Variants in KCNT1 observed in about 807,000 individuals in gnomAD.
KCNT1 encodes potassium sodium-activated channel subfamily T member 1, also known as potassium channel subfamily T member 1.
A neutral mutation model predicts 147.8 loss-of-function variants in KCNT1; 78 were observed. The observed-to-expected ratio is 0.53, with a 90% CI of 0.44 to 0.64. The LOEUF (loss-of-function observed/expected upper bound fraction) is 0.64. KCNT1 is among the 30% of genes least tolerant of loss of function. The probability of loss-of-function intolerance (pLI) is 0.00; values close to 1 mark genes in which losing one functional copy is unlikely to be tolerated. For missense variants in KCNT1, 1,419 were observed against 1,750.3 expected (o/e 0.81, Z 3.38); for synonymous variants, 867 against 748.8 (o/e 1.16, Z -2.58).
intron 2 of KCNT1, among the ~76,000 whole-genome samples, chr9:135,732,726 T>TAA (rs1830152142): frequency 6.6e-6 from 1 of 151,668 alleles, no homozygotes; most frequent in Non-Finnish European, 1.5e-5. Context: ...TTGGCCGGGT[T>TAA]CTTTGTCTGC....
At chr9:135,750,036 G>A in intron 2 of KCNT1, 62 bp from the exon 3 acceptor site, 1 of 1,368,112 alleles carries the variant, frequency 7.3e-7, no homozygotes, top group Non-Finnish European at 1.0e-6. Flanking sequence ...GGGGCTCCCG[G>A]CGTGTCCCCA....
chr9:135,734,769 C>T (rs903213378), intron 2 of KCNT1, among the ~76,000 whole-genome samples: 5 of 152,110 alleles, frequency 3.3e-5, no homozygotes, highest in South Asian at 2.1e-4. Flanking sequence ...GCTGTGGGTT[C>T]GTTCCCAGGG....
chr9:135,728,174 G>A (rs1836293472), intron 2 of KCNT1, among the ~76,000 whole-genome samples: 1 of 152,204 alleles, frequency 6.6e-6, no homozygotes, highest in African/African-American at 2.4e-5. Flanking sequence ...GAGGCAGGAA[G>A]GACCCTCCCT....
chr9:135,741,523 A>G (rs1300121672), intron 2 of KCNT1, among the ~76,000 whole-genome samples: 2 of 152,216 alleles, frequency 1.3e-5, no homozygotes, highest in Non-Finnish European at 2.9e-5. Flanking sequence ...CAGCAAACCC[A>G]AAGATCAGCC....
chr9:135,755,257 A>C (rs1272316603), intron 6 of KCNT1, 88 bp downstream of exon 6: 4 of 1,151,058 alleles, frequency 3.5e-6, no homozygotes, highest in African/African-American at 1.6e-5. Context: ...TAGGGAACCC[A>C]GGCTCGGTGA....
In KCNT1 at chr9:135,786,425, C is replaced by A; in HGVS notation, c.3406C>A (p.Gln1136Lys). 6.3e-7 allele frequency: 1 copy of A among 1,589,758 alleles called. No homozygotes were observed. The highest frequency in any genetic ancestry group is 2.3e-5 in the East Asian group (1 of 43,570). The change falls in exon 29 of 31, where the codon CAG (glutamine) becomes AAG (lysine). Residue 1136 changes from glutamine to lysine, a missense_variant. Gln to Lys is a moderately conservative substitution (Grantham distance 53). This residue lies in a region of KCNT1 where 306 missense variants were observed against 294.2 expected (regional missense o/e 1.04). Transcript: ENST00000371757. ...GGCGGCCGCGGAGTGGATCAGCCAG[C>A]AGCGCCTCAGCCTGTACCGGCGCTC... ...RAAAAEWISQ[Q>K]RLSLYRRSER...
intron 28 of KCNT1, chr9:135,785,830 G>C: frequency 2.3e-6 from 1 of 428,784 alleles, no homozygotes; most frequent in Non-Finnish European, 4.2e-6. Flanking sequence ...CAGAGGGGGT[G>C]ACCTCTCAGG....
intron 2 of KCNT1, among the ~76,000 whole-genome samples, chr9:135,725,188 C>G (rs1019812802): frequency 6.6e-6 from 1 of 152,028 alleles, no homozygotes. Context: ...ACACAGCTGC[C>G]GGGGGGGACC....
chr9:135,757,790 C>T (rs532925276), intron 9 of KCNT1, among the ~76,000 whole-genome samples: 1 of 152,304 alleles, frequency 6.6e-6, no homozygotes, highest in African/African-American at 2.4e-5. Flanking sequence ...CAGGCAGGCC[C>T]TGCTCTGAGT....
intron 24 of KCNT1, among the ~76,000 whole-genome samples, chr9:135,782,362 C>G (rs948087543): frequency 1.4e-4 from 21 of 152,234 alleles, no homozygotes; most frequent in Non-Finnish European, 2.5e-4. Context: ...TCCACCTCCC[C>G]TGGTCTCCAG....
In KCNT1 at chr9:135,702,499, G is replaced by C. The variant is rs1588239246; in HGVS notation, c.110+131G>C. ...GCCATCCAACTTCCCCAGGACCCGC[G>C]AGTGCCCTCCCAACCACCTTGGGGA... On this transcript the variant is annotated intron_variant, in intron 1 of 30. Transcript: ENST00000371757. The C allele has an allele frequency of 9.3e-6, 7 of 756,380 alleles. No individual in the cohort carries two copies. The Admixed American group carries it at 1.6e-4, about 17-fold the overall frequency. 46.9% of individuals were successfully genotyped at this position (756,380 alleles called of 1,614,324 possible).
At chr9:135,719,670 C>A (rs1475840024) in intron 2 of KCNT1, among the ~76,000 whole-genome samples, 2 of 152,174 alleles carry the variant, frequency 1.3e-5, no homozygotes, top group South Asian at 2.1e-4. Flanking sequence ...GCCAGGAAGG[C>A]CCTGCCCACT....
In KCNT1 at chr9:135,779,334, G is replaced by A. The variant is rs200715533; in HGVS notation, c.2730-25G>A. 4.7e-4 allele frequency: 686 copies of A among 1,453,194 alleles called. 3 individuals are homozygous for A. The highest frequency in any genetic ancestry group is 2.4e-3 in the African/African-American group (166 of 69,294). The allele number at this position is 1,453,194 out of a possible 1,614,324, so 90.0% of individuals were successfully genotyped here. A position where few individuals can be genotyped will look rare whatever the true frequency, so the allele number is the denominator to read the frequency against. On this transcript the variant is annotated intron_variant, in intron 23 of 30. Transcript: ENST00000371757. ...ACCTCCTACAACCACCATGGGCCCC[G>A]CCCTGAGCCGCCTGCCTCCCCCAGG...
chr9:135,792,433 G>A lies in KCNT1; in HGVS notation c.*272G>A, dbSNP rs1834609237. 2 of 329,392 alleles carry A rather than the reference G, an allele frequency of 6.1e-6. No homozygotes were observed. Among genetic ancestry groups the A allele is most frequent in the East Asian group, 7.5e-5 (1 of 13,266 alleles). The allele number at this position is 329,392 out of a possible 1,614,324, so 20.4% of individuals were successfully genotyped here. On this transcript the variant is annotated 3_prime_UTR_variant, in exon 31 of 31. Transcript: ENST00000371757. ...TCTTTACACAGATGTACCGCAACTC[G>A]TGACCAGGGCTGGCTGGGAGGGCAA...
chr9:135,785,255 C>T (rs1210108820), intron 27 of KCNT1, 55 bp from the exon 28 acceptor site: 60 of 1,605,408 alleles, frequency 3.7e-5, no homozygotes, highest in Non-Finnish European at 4.2e-5. Context: ...GCTGAGGCGG[C>T]GTGGGGGGCA....
chr9:135,721,380 G>A (rs1477667112), intron 2 of KCNT1, among the ~76,000 whole-genome samples: 2 of 152,194 alleles, frequency 1.3e-5, no homozygotes, highest in African/African-American at 2.4e-5. Flanking sequence ...GGCAGGGAGG[G>A]GCCAGGTGGG....
Position 135,786,372 on chromosome 9 carries a change from G to T in KCNT1, c.3353G>T (p.Arg1118Leu), listed in dbSNP as rs1055618053. ...KSLQWARRLS[R>L]KAPKQAGRAA... ...CTGCAGTGGGCCCGGAGGCTGAGCC[G>T]CAAGGCGCCCAAGCAGGCAGGCCGG... Residue 1118 changes from arginine (R) to leucine (L), a missense_variant, in exon 29 of 31, where the codon CGC (arginine) becomes CTC (leucine). Physicochemically the swap from Arg to Leu is moderately radical, Grantham distance 102. This residue lies in a region of KCNT1 where 306 missense variants were observed against 294.2 expected (regional missense o/e 1.04). Coordinates refer to ENST00000371757, the MANE Select transcript of KCNT1 (RefSeq NM_020822.3). The T allele has an allele frequency of 6.3e-7, 1 of 1,577,718 alleles. No homozygotes were observed. Among genetic ancestry groups the T allele is most frequent in the East Asian group, 2.3e-5 (1 of 43,150 alleles).
chr9:135,784,153 TG>T (rs746758011), intron 25 of KCNT1, 28 bp downstream of exon 25: 3 of 1,574,142 alleles, frequency 1.9e-6, no homozygotes, highest in Non-Finnish European at 2.6e-6. Flanking sequence ...AGCAGGAGGG[TG>T]GCGCCTGGGT....
chr9:135,765,274 G>A, intron 12 of KCNT1, 79 bp downstream of exon 12: 2 of 1,382,070 alleles, frequency 1.4e-6, no homozygotes, highest in Non-Finnish European at 2.0e-6. Context: ...GGACTGCTTG[G>A]CAAGTCCCTG....
Sources: gnomAD v4.1 joint callset for allele counts (sites outside exome capture counted in the v4.1 genomes callset) on GRCh38, gnomAD v4.1.1 for gene constraint, gnomAD v4.1.1 regional missense constraint, MANE v1.5 for transcripts, NCBI Gene and HGNC (gene_info 2026-07-23, HGNC 2026-07-21) for gene names.